The following RARA variants were observed in gnomAD, a reference collection of about 807,000 sequenced individuals.
RARA encodes the protein PML-DDX5-RARA fusion.
RARA carries 5 observed loss-of-function variants against 42.8 expected under a neutral mutation model. The ratio of observed to expected loss-of-function variants is 0.12; its 90% CI spans 0.06 to 0.25. The LOEUF (loss-of-function observed/expected upper bound fraction) is 0.25. Ranked by LOEUF, RARA falls within the 10% of genes least tolerant of loss-of-function variation. The pLI is 1.00. For synonymous variants in RARA, 256 were observed against 259.5 expected, an observed-to-expected ratio of 0.99 and a Z score of 0.13; for missense variants, 402 against 628.7, an observed-to-expected ratio of 0.64 and a Z score of 3.86.
chr17:40,349,843 C>CT lies in RARA; in HGVS notation c.388dup (p.Cys130LeufsTer21). 6.2e-7 allele frequency: 1 copy of CT among 1,614,258 alleles called. No homozygotes were observed. On this transcript the variant is annotated frameshift_variant, in exon 4 of 9. Transcript: ENST00000254066. LOFTEE classifies it high-confidence loss of function. ...TGTACACGTGTCACCGGGACAAGAACTGCATCATCAACAAGGTGACCCGGA... is the reference window on the plus strand; with the variant it reads ...TGTACACGTGTCACCGGGACAAGAACTTGCATCATCAACAAGGTGACCCGGA...
rs772291626 is a variant in RARA, at chr17:40,355,254, C to T, written c.1013-9C>T. ...CCCAGCTGCTCAGGGGGTGGTTCTG[C>T]TTCCTCAGACCGCCAGGACCTGGAG... On this transcript the variant is annotated splice_polypyrimidine_tract_variant and intron_variant, in intron 7 of 8. Coordinates refer to ENST00000254066, the MANE Select transcript of RARA (RefSeq NM_000964.4). This position sits in a 1 kb window ranked among gnomAD's most constrained non-coding sequence, Gnocchi z 4.1. 7.1e-6 allele frequency: 11 copies of T among 1,560,264 alleles called. No homozygotes were observed. The highest frequency in any genetic ancestry group is 2.3e-5 in the South Asian group (2 of 85,636).
intron 1 of RARA, among the ~76,000 whole-genome samples, chr17:40,321,169 G>A (rs2033365146): frequency 6.6e-6 from 1 of 152,058 alleles, no homozygotes; most frequent in Admixed American, 6.5e-5. Context: ...TGGCAGGATT[G>A]GCTGAGGGTG....
In RARA at chr17:40,351,551, G is replaced by A; in HGVS notation, c.470-359G>A. 2.1e-6 allele frequency: 1 copy of A among 472,634 alleles called. No individual in the cohort carries two copies. Among genetic ancestry groups the A allele is most frequent in the African/African-American group, 2.0e-5 (1 of 50,260 alleles). 29.3% of individuals were successfully genotyped at this position (472,634 alleles called of 1,614,324 possible). ...GGCTGGGTGAGTGGAGGCGGGAGAA[G>A]GACCTTCCTGGGGAAAGAGGAGGCA... On this transcript the variant is annotated intron_variant, in intron 4 of 8. Coordinates refer to ENST00000254066, the MANE Select transcript of RARA (RefSeq NM_000964.4). This position sits in a 1 kb window ranked among gnomAD's most constrained non-coding sequence, Gnocchi z 4.1.
intron 1 of RARA, among the ~76,000 whole-genome samples, chr17:40,319,892 A>T (rs1046666125): frequency 6.6e-6 from 1 of 152,040 alleles, no homozygotes; most frequent in Non-Finnish European, 1.5e-5. Context: ...TGGTTGTATG[A>T]TGCTTCTTCC....
chr17:40,342,544 G>C, intron 2 of RARA: 1 of 1,322,392 alleles, frequency 7.6e-7, no homozygotes, highest in Non-Finnish European at 9.7e-7. Flanking sequence ...ACTTAGACGC[G>C]GGGACTTCAG....
In RARA at chr17:40,356,516, C is replaced by A. The variant is rs929787594; in HGVS notation, c.*290C>A. ...GGATGGGTCCTGGGGGCCTCGTGTT[C>A]ATCAAGACACCCCTCTGCCCAGCTC... On this transcript the variant is annotated 3_prime_UTR_variant, in exon 9 of 9. Transcript: ENST00000254066. 1.5e-6 allele frequency: 1 copy of A among 654,760 alleles called. No homozygotes were observed. Among genetic ancestry groups the A allele is most frequent in the Non-Finnish European group, 2.8e-6 (1 of 353,916 alleles). The allele number at this position is 654,760 out of a possible 1,614,324, so 40.6% of individuals were successfully genotyped here.
chr17:40,342,040 C>G (rs1217440526), intron 2 of RARA: 1 of 1,065,844 alleles, frequency 9.4e-7, no homozygotes, highest in African/African-American at 1.6e-5. Context: ...GCGTTTCTCC[C>G]GCTGCAGCCG....
At position 40,351,531 on chromosome 17, in the gene RARA, G is replaced by C. The variant is rs1359434625; in HGVS notation, c.470-379G>C. On this transcript the variant is annotated intron_variant, in intron 4 of 8. Transcript: ENST00000254066. The surrounding 1 kb of genome is among the most constrained non-coding windows in gnomAD (Gnocchi z 4.1). The stretch of plus-strand genomic sequence containing the variant: ...AGGGAGACTGCAGCTGGGAGGGCTG[G>C]GTGAGTGGAGGCGGGAGAAGGACCT... 2 of 473,474 alleles carry C rather than the reference G, an allele frequency of 4.2e-6. No homozygotes were observed. The highest frequency in any genetic ancestry group is 8.6e-6 in the Non-Finnish European group (2 of 231,298). 29.3% of individuals were successfully genotyped at this position (473,474 alleles called of 1,614,324 possible).
intron 1 of RARA, among the ~76,000 whole-genome samples, chr17:40,324,670 A>G (rs2033486947): frequency 6.6e-6 from 1 of 152,146 alleles, no homozygotes; most frequent in African/African-American, 2.4e-5. Flanking sequence ...TGAGTGGAGT[A>G]CAAGCTGTGG....
At position 40,355,090 on chromosome 17, in the gene RARA, C is replaced by T. The variant is rs578056975; in HGVS notation, c.1013-173C>T. 1.3e-5 allele frequency among the ~76,000 whole-genome samples: 2 copies of T among 152,188 alleles called. No homozygotes were observed. Among genetic ancestry groups the T allele is most frequent in the African/African-American group, 4.8e-5 (2 of 41,446 alleles). ...CCCTCACCCTCAGCTCCCGTTGCTC[C>T]CTTTTAAGGGCCTCTGTACCCTGCG... On this transcript the variant is annotated intron_variant, in intron 7 of 8. Transcript: ENST00000254066. This position sits in a 1 kb window ranked among gnomAD's most constrained non-coding sequence, Gnocchi z 4.1.
rs947174678 is a variant in RARA, at chr17:40,342,523, G to T, written c.179-5793G>T. 9 of 1,317,880 alleles carry T rather than the reference G, an allele frequency of 6.8e-6. No homozygotes were observed. The African/African-American group carries it at 1.4e-4, about 20-fold the overall frequency. 81.6% of individuals were successfully genotyped at this position (1,317,880 alleles called of 1,614,324 possible). A position where few individuals can be genotyped will look rare whatever the true frequency, so the allele number is the denominator to read the frequency against. ...CCTGCTTTTCACCGGGACTGGCGGA[G>T]CGGCCGGCGGACTTAGACGCGGGGA... On this transcript the variant is annotated intron_variant, in intron 2 of 8. Coordinates refer to ENST00000254066, the MANE Select transcript of RARA (RefSeq NM_000964.4).
At chr17:40,350,235 C>T (rs950006328) in intron 4 of RARA, 14 of 343,614 alleles carry the variant, frequency 4.1e-5, no homozygotes, top group Admixed American at 9.1e-5. Flanking sequence ...TGGCTTTCTT[C>T]CAGGCCGTGC....
At position 40,352,224 on chromosome 17, in the gene RARA, G is replaced by A. The variant is rs2034479940; in HGVS notation, c.631-107G>A. Reference sequence around the variant, plus strand: ...TCCTCCTGCTGCCTCTTCCCAAGGAGCTCCCAGGAAGTGAAGGCTGGGTAG... The same window carrying A: ...TCCTCCTGCTGCCTCTTCCCAAGGAACTCCCAGGAAGTGAAGGCTGGGTAG... On this transcript the variant is annotated intron_variant, in intron 5 of 8. Transcript: ENST00000254066. The surrounding 1 kb of genome is among the most constrained non-coding windows in gnomAD (Gnocchi z 4.9). 6.7e-7 allele frequency: 1 copy of A among 1,500,548 alleles called. No homozygotes were observed. The highest frequency in any genetic ancestry group is 8.8e-7 in the Non-Finnish European group (1 of 1,130,920). 93.0% of individuals were successfully genotyped at this position (1,500,548 alleles called of 1,614,324 possible). A position where few individuals can be genotyped will look rare whatever the true frequency, so the allele number is the denominator to read the frequency against.
intron 2 of RARA, chr17:40,341,880 C>T: frequency 9.8e-7 from 1 of 1,020,592 alleles, no homozygotes; most frequent in Non-Finnish European, 1.3e-6. Flanking sequence ...CCCCTCGCAG[C>T]CCCCTCCTCT....
At chr17:40,343,857 G>C (rs148691170) in intron 2 of RARA, among the ~76,000 whole-genome samples, 1 of 152,300 alleles carries the variant, frequency 6.6e-6, no homozygotes, top group East Asian at 1.9e-4. Flanking sequence ...GAAGGGCTCT[G>C]TGCACACTCA....
chr17:40,355,124 GA>G lies in RARA; in HGVS notation c.1013-138del. ...GGCCTCTGTACCCTGCGGCAGCAGA[GA>G]CCCCATGCCCTGCCCTGTGTGGGGA... On this transcript the variant is annotated intron_variant, in intron 7 of 8. Coordinates refer to ENST00000254066, the MANE Select transcript of RARA (RefSeq NM_000964.4). The surrounding 1 kb of genome is among the most constrained non-coding windows in gnomAD (Gnocchi z 4.1). 1 of 1,087,110 alleles carries G rather than the reference GA, an allele frequency of 9.2e-7. No homozygotes were observed. The highest frequency in any genetic ancestry group is 1.3e-6 in the Non-Finnish European group (1 of 779,928). 67.3% of individuals were successfully genotyped at this position (1,087,110 alleles called of 1,614,324 possible). A position where few individuals can be genotyped will look rare whatever the true frequency, so the allele number is the denominator to read the frequency against.
In RARA at chr17:40,357,466, A is replaced by T. The variant is rs1567770156; in HGVS notation, c.*1240A>T. The stretch of plus-strand genomic sequence containing the variant: ...CCGTGCCCCCTCCTTACCCCGCAGG[A>T]CGGGCCTACAGGGGGGTCTCCCCTC... On this transcript the variant is annotated 3_prime_UTR_variant, in exon 9 of 9. Coordinates refer to ENST00000254066, the MANE Select transcript of RARA (RefSeq NM_000964.4). The T allele has an allele frequency of 3.5e-5, 5 of 144,520 alleles. No homozygotes were observed. Among genetic ancestry groups the T allele is most frequent in the Non-Finnish European group, 5.4e-5 (4 of 73,812 alleles). The allele number at this position is 144,520 out of a possible 1,614,324, so 9.0% of individuals were successfully genotyped here.
At position 40,355,449 on chromosome 17, in the gene RARA, C is replaced by T. The variant is rs372233504; in HGVS notation, c.1171+28C>T. The stretch of plus-strand genomic sequence containing the variant: ...GAGGCTCACAGACCTGGAGGGGTAC[C>T]GGCCCCCGACACCTGGCCCAGGCCC... On this transcript the variant is annotated intron_variant, in intron 8 of 8. Transcript: ENST00000254066. This position sits in a 1 kb window ranked among gnomAD's most constrained non-coding sequence, Gnocchi z 4.1. The T allele has an allele frequency of 1.6e-4, 249 of 1,589,314 alleles. No homozygotes were observed. Among genetic ancestry groups the T allele is most frequent in the Middle Eastern group, 6.7e-4 (4 of 5,974 alleles).
rs531855969 is a variant in RARA, at chr17:40,326,264, C to T, written c.-362-4593C>T. ...TTGCCCGGGCCTCCCCTGTGCCAAG[C>T]TCTGGTCTGGGTGCTTTCCAGGACT... is the stretch of plus-strand genomic sequence containing the variant. On this transcript the variant is annotated intron_variant, in intron 1 of 8. Coordinates refer to ENST00000254066, the MANE Select transcript of RARA (RefSeq NM_000964.4). This position sits in a 1 kb window ranked among gnomAD's most constrained non-coding sequence, Gnocchi z 5.2. Among the ~76,000 whole-genome samples the T allele has an allele frequency of 6.6e-4, 101 of 152,348 alleles. No homozygotes were observed. The highest frequency in any genetic ancestry group is 2.3e-3 in the African/African-American group (97 of 41,572).
Sources: gnomAD v4.1 joint callset for allele counts (sites outside exome capture counted in the v4.1 genomes callset) on GRCh38, gnomAD v4.1.1 for gene constraint, Gnocchi (gnomAD v3.1) non-coding constraint, MANE v1.5 for transcripts, NCBI Gene and HGNC (gene_info 2026-07-23, HGNC 2026-07-21) for gene names.